Variants in AREL1 observed in about 807,000 individuals in gnomAD.
The protein encoded by AREL1 is apoptosis resistant E3 ubiquitin protein ligase 1.
In AREL1, 62 loss-of-function variants were observed where a neutral mutation model predicts 99.0. That is an observed-to-expected ratio of 0.63 (90% CI 0.51 to 0.77). The LOEUF is 0.77. Among genes scored for constraint, AREL1 ranks in the 30% least tolerant of loss-of-function variants. AREL1 has a pLI of 0.00. For missense variants in AREL1, 879 were observed against 1,027.6 expected (o/e 0.86, Z 1.98); for synonymous variants, 380 against 376.5 (o/e 1.01, Z -0.11).
chr14:74,678,295 G>A (rs550438409), intron 5 of AREL1: 17 of 443,130 alleles, frequency 3.8e-5, no homozygotes, highest in African/African-American at 3.3e-4. Context: ...CCAGGAGTTC[G>A]AGACCACCCT....
chr14:74,684,197 A>G (rs2089695998), intron 4 of AREL1, among the ~76,000 whole-genome samples: 1 of 152,234 alleles, frequency 6.6e-6, no homozygotes, highest in Non-Finnish European at 1.5e-5. Context: ...ACCCCTATCT[A>G]TAATACTTAC....
In AREL1 at chr14:74,671,547, A is replaced by G; in HGVS notation, c.1423-64T>C. 2.7e-6 allele frequency: 3 copies of G among 1,118,666 alleles called. No individual in the cohort carries two copies. In the South Asian group the frequency reaches 4.3e-5, roughly 16 times the overall value. The allele number at this position is 1,118,666 out of a possible 1,614,324, so 69.3% of individuals were successfully genotyped here. On this transcript the variant is annotated intron_variant, in intron 11 of 19. Transcript: ENST00000356357. Reference sequence around the variant, plus strand: ...GGCTGGTGTCCTCTGGATGTTAAAGACAACACAAGAGCACTGCCATTGTCT... The same window carrying G: ...GGCTGGTGTCCTCTGGATGTTAAAGGCAACACAAGAGCACTGCCATTGTCT...
chr14:74,674,509 C>T (rs1425283796), intron 8 of AREL1, among the ~76,000 whole-genome samples: 1 of 151,956 alleles, frequency 6.6e-6, no homozygotes, highest in African/African-American at 2.4e-5. Context: ...GGCTGAGGCA[C>T]AAGAATCGCT....
intron 8 of AREL1, among the ~76,000 whole-genome samples, chr14:74,674,591 G>A (rs2089429232): frequency 6.6e-6 from 1 of 152,124 alleles, no homozygotes; most frequent in Admixed American, 6.5e-5. Context: ...GACAAAGTGA[G>A]ACCCTGTCTC....
intron 9 of AREL1, among the ~76,000 whole-genome samples, chr14:74,673,515 A>T (rs545567184): frequency 6.6e-6 from 1 of 152,370 alleles, no homozygotes; most frequent in Non-Finnish European, 1.5e-5. Flanking sequence ...CAATACGGTG[A>T]TATATTAAAT....
At chr14:74,673,366 T>C (rs2089400592) in intron 9 of AREL1, 148 bp from the exon 10 acceptor site, 3 of 819,130 alleles carry the variant, frequency 3.7e-6, no homozygotes, top group Admixed American at 2.9e-5. Context: ...TTTCATTATT[T>C]TTCCCTTCAG....
At chr14:74,701,032 T>C (rs1201941437) in intron 1 of AREL1, among the ~76,000 whole-genome samples, 1 of 152,072 alleles carries the variant, frequency 6.6e-6, no homozygotes, top group African/African-American at 2.4e-5. Flanking sequence ...GGGTCCAACA[T>C]AGACCCTCAT....
intron 2 of AREL1, among the ~76,000 whole-genome samples, chr14:74,691,393 G>T (rs553720645): frequency 1.4e-5 from 2 of 147,688 alleles, no homozygotes; most frequent in African/African-American, 2.5e-5. Flanking sequence ...CCTCTACAGT[G>T]AATCATGAAA....
At chr14:74,690,264 CA>C (rs5809676) in intron 2 of AREL1, among the ~76,000 whole-genome samples, 29,902 of 73,098 alleles carry the variant, frequency 0.41, 2,510 homozygotes, top group East Asian at 0.5. Context: ...ACCCTGTCTC[CA>C]AAAAAAAAAA....
At chr14:74,666,943 C>A (rs2089222205) in intron 17 of AREL1, among the ~76,000 whole-genome samples, 1 of 152,120 alleles carries the variant, frequency 6.6e-6, no homozygotes, top group Non-Finnish European at 1.5e-5. Flanking sequence ...TGGTCTCGAA[C>A]TCCTGACCTC....
Position 74,667,486 on chromosome 14 carries a change from C to T in AREL1, c.2023G>A (p.Glu675Lys), listed in dbSNP as rs767431537. The T allele has an allele frequency of 1.2e-6, 2 of 1,613,580 alleles. No individual in the cohort carries two copies. Among genetic ancestry groups the T allele is most frequent in the South Asian group, 1.1e-5 (1 of 91,006 alleles). The change falls in exon 16 of 20, where the codon GAG becomes AAG. Residue 675 changes from glutamate to lysine, a missense_variant. Glu to Lys is a moderately conservative substitution (Grantham distance 56). Coordinates refer to ENST00000356357, the MANE Select transcript of AREL1 (RefSeq NM_001039479.2). ...CCACCTTTTAGGAAATGTTCCACCT[C>T]CTCTTTCACTTGACTGGCCAGCCGA... Reference protein sequence around the residue: ...QYRLASQVKEEVEHFLKGLNE... With the variant: ...QYRLASQVKEKVEHFLKGLNE...
chr14:74,703,145 T>G (rs1031761952), intron 1 of AREL1, among the ~76,000 whole-genome samples: 2 of 152,176 alleles, frequency 1.3e-5, no homozygotes, highest in African/African-American at 4.8e-5. Flanking sequence ...ATTTTCACAC[T>G]GCTGATAAAG....
At chr14:74,688,018 A>ATT (rs1566693651) in intron 2 of AREL1, among the ~76,000 whole-genome samples, 46 of 137,372 alleles carry the variant, frequency 3.3e-4, no homozygotes, top group Admixed American at 2.9e-4. Flanking sequence ...CTGAGTACTT[A>ATT]CTTTTTTTTT....
chr14:74,696,632 C>T (rs1021505440), intron 1 of AREL1, among the ~76,000 whole-genome samples: 22 of 151,998 alleles, frequency 1.4e-4, no homozygotes, highest in African/African-American at 5.1e-4. Flanking sequence ...ATCACTTGAG[C>T]CTAGGAGTTG....
In AREL1 at chr14:74,664,836, C is replaced by A; in HGVS notation, c.2193G>T (p.Lys731Asn). Reference protein sequence around the residue: ...VVGGSWHFREKVMRWFWTVVS... With the variant: ...VVGGSWHFRENVMRWFWTVVS... ...ACTGAAAGAAGTTTGGTCCATTTAC[C>A]TTTTCTCTGAAATGCCATGAGCCAC... The change falls in exon 18 of 20, where the codon AAG becomes AAT. Residue 731 changes from lysine to asparagine, a missense_variant and splice_region_variant. Physicochemically the swap from Lys to Asn is moderately conservative, Grantham distance 94. Coordinates refer to ENST00000356357, the MANE Select transcript of AREL1 (RefSeq NM_001039479.2). The A allele has an allele frequency of 6.2e-7, 1 of 1,612,886 alleles. No homozygotes were observed. Among genetic ancestry groups the A allele is most frequent in the Non-Finnish European group, 8.5e-7 (1 of 1,179,330 alleles).
At chr14:74,712,061 AAAAAAAGAAAAAAAAAG>A (rs2090314347) in intron 1 of AREL1, 17 of 48,610 alleles carry the variant, frequency 3.5e-4, no homozygotes, top group African/African-American at 1.3e-3. Flanking sequence ...AAAAAAAAAA[AAAAAAAGAAAAAAAAAG>A]AAAGAAAGAA....
intron 1 of AREL1, among the ~76,000 whole-genome samples, chr14:74,703,028 A>G (rs2090113490): frequency 6.6e-6 from 1 of 152,188 alleles, no homozygotes; most frequent in African/African-American, 2.4e-5. Context: ...TGAGCCCTCC[A>G]AACTGTTCTA....
chr14:74,689,149 G>C (rs889264761), intron 2 of AREL1, among the ~76,000 whole-genome samples: 11 of 151,598 alleles, frequency 7.3e-5, no homozygotes, highest in African/African-American at 2.7e-4. Context: ...CGCCCAGCCA[G>C]GCCTCCCTAT....
At chr14:74,700,679 C>G (rs915074104) in intron 1 of AREL1, among the ~76,000 whole-genome samples, 8 of 152,178 alleles carry the variant, frequency 5.3e-5, no homozygotes, top group African/African-American at 1.4e-4. Flanking sequence ...ACTGGGGAAG[C>G]TGAGGCAGGA....
Sources: gnomAD v4.1 joint callset for allele counts (sites outside exome capture counted in the v4.1 genomes callset) on GRCh38, gnomAD v4.1.1 for gene constraint, MANE v1.5 for transcripts, NCBI Gene and HGNC (gene_info 2026-07-23, HGNC 2026-07-21) for gene names.